The following KIF20B variants were observed in gnomAD, a reference collection of about 807,000 sequenced individuals.
KIF20B encodes kinesin-like protein KIF20B.
Under a neutral mutation model 232.5 loss-of-function variants are expected in KIF20B, and 188 were observed. That is an observed-to-expected ratio of 0.81 (90% CI 0.72 to 0.91). The LOEUF is 0.91. Ranked by LOEUF, KIF20B falls within the 40% of genes least tolerant of loss-of-function variation. The pLI is 0.00. For missense variants in KIF20B, 2,154 were observed against 2,055.9 expected (o/e 1.05, Z -0.92); for synonymous variants, 712 against 683.0 (o/e 1.04, Z -0.66).
At chr10:89,748,430 G>T (rs1841961175) in intron 23 of KIF20B, among the ~76,000 whole-genome samples, 1 of 152,110 alleles carries the variant, frequency 6.6e-6, no homozygotes, top group Non-Finnish European at 1.5e-5. Context: ...TTGAACCCAG[G>T]TGTGCTTCAC....
intron 18 of KIF20B, among the ~76,000 whole-genome samples, chr10:89,730,925 A>G (rs1364493394): frequency 1.3e-5 from 2 of 152,098 alleles, no homozygotes; most frequent in East Asian, 3.9e-4. Context: ...CCAGATAGCT[A>G]CCTCTTGGAA....
At chr10:89,724,890 C>A in intron 14 of KIF20B, 130 bp from the exon 15 acceptor site, 2 of 819,402 alleles carry the variant, frequency 2.4e-6, no homozygotes, top group Non-Finnish European at 1.9e-6. Context: ...GCTGGGATTA[C>A]AGGCGTGAAC....
intron 19 of KIF20B, among the ~76,000 whole-genome samples, chr10:89,735,624 G>A (rs1046141383): frequency 7.2e-6 from 1 of 138,630 alleles, no homozygotes; most frequent in Admixed American, 8.0e-5. Context: ...TGTAACCTCC[G>A]TCTCCTGGGT....
intron 23 of KIF20B, among the ~76,000 whole-genome samples, chr10:89,746,590 G>A (rs1177505090): frequency 1.3e-5 from 2 of 152,156 alleles, no homozygotes; most frequent in Non-Finnish European, 1.5e-5. Context: ...GGATGGGGGC[G>A]TGGCAGGCCA....
At chr10:89,771,926 T>C (rs969152135) in intron 31 of KIF20B, among the ~76,000 whole-genome samples, 2 of 152,000 alleles carry the variant, frequency 1.3e-5, no homozygotes, top group Admixed American at 6.6e-5. Flanking sequence ...GTTGTTACTT[T>C]CATTTTGGCT....
At chr10:89,760,972 A>T (rs1302261942) in intron 28 of KIF20B, among the ~76,000 whole-genome samples, 1 of 152,114 alleles carries the variant, frequency 6.6e-6, no homozygotes, top group Non-Finnish European at 1.5e-5. Flanking sequence ...TATTTTTTGG[A>T]ATTGTATCCA....
In KIF20B at chr10:89,773,990, TGAA is replaced by T. The variant is rs1842519655; in HGVS notation, c.5407_5409del (p.Lys1803del). On this transcript the variant is annotated inframe_deletion, in exon 33 of 33. Transcript: ENST00000371728. ...TTTCAGATTTTAATGGACCAGAAAA[TGAA>T]GGAGAGTGATCACCAGATTATCAAA... The T allele has an allele frequency of 6.4e-7, 1 of 1,572,508 alleles. No individual in the cohort carries two copies. Among genetic ancestry groups the T allele is most frequent in the African/African-American group, 1.4e-5 (1 of 73,748 alleles).
intron 13 of KIF20B, among the ~76,000 whole-genome samples, chr10:89,720,993 C>T (rs1388048351): frequency 6.6e-6 from 1 of 152,160 alleles, no homozygotes; most frequent in African/African-American, 2.4e-5. Context: ...AGGCATGAGC[C>T]ACCTTACCTG....
Position 89,717,745 on chromosome 10 carries a change from T to C in KIF20B, c.1271+23T>C, listed in dbSNP as rs375692649. On this transcript the variant is annotated intron_variant, in intron 11 of 32. Transcript: ENST00000371728. The stretch of plus-strand genomic sequence containing the variant: ...AAAGTAAGTGTTTCTGAAAGTGTTA[T>C]TAGCATATTAAATATTACAATATTT... The C allele has an allele frequency of 3.3e-6, 5 of 1,513,708 alleles. No individual in the cohort carries two copies. The African/African-American group carries it at 7.0e-5, about 21-fold the overall frequency. The allele number at this position is 1,513,708 out of a possible 1,614,324, so 93.8% of individuals were successfully genotyped here.
At chr10:89,749,467 C>T (rs2133148029) in intron 23 of KIF20B, among the ~76,000 whole-genome samples, 1 of 152,236 alleles carries the variant, frequency 6.6e-6, no homozygotes, top group South Asian at 2.1e-4. Flanking sequence ...CAACCATCAC[C>T]ACTATCTAAT....
Position 89,724,091 on chromosome 10 carries a change from A to G in KIF20B, c.1850A>G (p.Glu617Gly), listed in dbSNP as rs1284217141. The change falls in exon 14 of 33, where the codon GAA (glutamate) becomes GGA (glycine). Residue 617 changes from glutamate to glycine, a missense_variant. Coordinates refer to ENST00000371728, the MANE Select transcript of KIF20B (RefSeq NM_001284259.2). ...TTTACTCAGTATTGGGCTCAACGGG[A>G]AGCTGACTTTAAGTAAGTTATTTAT... The part of the protein sequence containing the change: ...QEFTQYWAQR[E>G]ADFKETLLQE... 9 of 1,492,586 alleles carry G rather than the reference A, an allele frequency of 6.0e-6. No individual in the cohort carries two copies. The highest frequency in any genetic ancestry group is 7.1e-6 in the Non-Finnish European group (8 of 1,126,634). The allele number at this position is 1,492,586 out of a possible 1,614,324, so 92.5% of individuals were successfully genotyped here. A position where few individuals can be genotyped will look rare whatever the true frequency, so the allele number is the denominator to read the frequency against.
At chr10:89,763,310 G>A (rs1215340111) in intron 29 of KIF20B, among the ~76,000 whole-genome samples, 1 of 152,060 alleles carries the variant, frequency 6.6e-6, no homozygotes, top group Admixed American at 6.6e-5. Context: ...GTGGTTTAAT[G>A]GTCTTCAGAT....
At chr10:89,747,561 A>AAAT (rs1213856310) in intron 23 of KIF20B, among the ~76,000 whole-genome samples, 1 of 151,072 alleles carries the variant, frequency 6.6e-6, no homozygotes, top group Non-Finnish European at 1.5e-5. Context: ...CAGCCATAAA[A>AAAT]AATGATGAGT....
At chr10:89,737,081 T>C (rs1841670397) in intron 19 of KIF20B, among the ~76,000 whole-genome samples, 1 of 152,092 alleles carries the variant, frequency 6.6e-6, no homozygotes, top group Non-Finnish European at 1.5e-5. Flanking sequence ...GTACAAAATT[T>C]AAATAATACT....
Position 89,711,002 on chromosome 10 carries a change from G to T in KIF20B, c.532G>T (p.Val178Leu). 6.2e-7 allele frequency: 1 copy of T among 1,606,604 alleles called. No homozygotes were observed. The highest frequency in any genetic ancestry group is 8.5e-7 in the Non-Finnish European group (1 of 1,177,858). Reference protein sequence around the residue: ...NIGILPRTLNVLFDSLQERLY... With the variant: ...NIGILPRTLNLLFDSLQERLY... ...TGGCATTCTGCCTCGAACTTTGAAT[G>T]TATTATTTGATAGTCTTCAAGAAAG... is the stretch of plus-strand genomic sequence containing the variant. The change falls in exon 6 of 33, where the codon GTA (valine) becomes TTA (leucine). Residue 178 changes from valine (V) to leucine (L), a missense_variant. Physicochemically the swap from Val to Leu is conservative, Grantham distance 32. Coordinates refer to ENST00000371728, the MANE Select transcript of KIF20B (RefSeq NM_001284259.2).
At chr10:89,767,438 TC>T (rs1457478782) in intron 29 of KIF20B, among the ~76,000 whole-genome samples, 2 of 151,500 alleles carry the variant, frequency 1.3e-5, no homozygotes, top group Admixed American at 6.6e-5. Context: ...TTCACTGGCA[TC>T]CTATGATTAC....
intron 21 of KIF20B, among the ~76,000 whole-genome samples, chr10:89,742,040 T>C (rs1023200611): frequency 1.3e-5 from 2 of 152,194 alleles, no homozygotes; most frequent in African/African-American, 4.8e-5. Context: ...GTAAAAGTTC[T>C]TAACTTAATA....
chr10:89,748,133 C>T (rs983509878), intron 23 of KIF20B, among the ~76,000 whole-genome samples: 2 of 152,216 alleles, frequency 1.3e-5, no homozygotes, highest in Admixed American at 6.5e-5. Context: ...CCTCAGCCTC[C>T]TGAGTAGCTG....
intron 13 of KIF20B, among the ~76,000 whole-genome samples, chr10:89,721,334 G>T (rs1385267575): frequency 6.6e-6 from 1 of 152,154 alleles, no homozygotes. Flanking sequence ...TTGGGCTTCT[G>T]TAATGTATTA....
Sources: allele counts gnomAD v4.1 joint callset (sites outside exome capture counted in the v4.1 genomes callset), GRCh38; gene constraint gnomAD v4.1.1; transcripts MANE v1.5; gene names NCBI Gene and HGNC (gene_info 2026-07-23, HGNC 2026-07-21).